The following KCNK16 variants were observed in gnomAD, a reference collection of about 807,000 sequenced individuals.
KCNK16 encodes potassium two pore domain channel subfamily K member 16.
KCNK16 carries 23 observed loss-of-function variants against 23.0 expected under a neutral mutation model. The ratio of observed to expected loss-of-function variants is 1.00; its 90% CI spans 0.72 to 1.41. KCNK16 has a LOEUF of 1.41. Among genes scored for constraint, KCNK16 ranks in the 40% most tolerant of loss-of-function variants. The pLI is 0.00. For missense variants in KCNK16, 327 were observed against 365.8 expected (o/e 0.89, Z 0.87); for synonymous variants, 145 against 153.5 (o/e 0.94, Z 0.41).
chr6:39,322,579 A>G lies in KCNK16; in HGVS notation c.-39T>C, dbSNP rs936313410. On this transcript the variant is annotated 5_prime_UTR_variant, in exon 1 of 5. Coordinates refer to ENST00000437525, the MANE Select transcript of KCNK16 (RefSeq NM_001135106.2). ...CCCTGCCAGGGCCGTGGGGCTGGCT[A>G]TGGGGGAGAGGTGGGAAACAGGTGA... 2.6e-5 allele frequency: 40 copies of G among 1,543,878 alleles called. No individual in the cohort carries two copies. In the Admixed American group the frequency reaches 6.4e-4, roughly 25 times the overall value.
intron 1 of KCNK16, among the ~76,000 whole-genome samples, chr6:39,320,063 C>T (rs1385977590): frequency 6.6e-6 from 1 of 152,160 alleles, no homozygotes; most frequent in Non-Finnish European, 1.5e-5. Flanking sequence ...ACCGAAGAGC[C>T]CCAAAGGCAG....
rs139501608 is a variant in KCNK16, at chr6:39,319,599, A to G, written c.214-466T>C. ...ACAGGGAAGCCATGGGCTGCCTGCT[A>G]TGAAGCTAATGGTGGGAAAGAGAGC... On this transcript the variant is annotated intron_variant, in intron 1 of 4. Transcript: ENST00000437525. This position sits in a 1 kb window ranked among gnomAD's most constrained non-coding sequence, Gnocchi z 4.2. 3.0e-3 allele frequency among the ~76,000 whole-genome samples: 464 copies of G among 152,294 alleles called. 6 individuals carry two copies. Among genetic ancestry groups the G allele is most frequent in the Non-Finnish European group, 5.3e-3 (359 of 68,020 alleles).
chr6:39,322,731 G>T, upstream of KCNK16: 1 of 857,176 alleles, frequency 1.2e-6, no homozygotes, highest in Non-Finnish European at 1.7e-6. Flanking sequence ...TAAGTGCTAT[G>T]CTGTGAGTGC....
chr6:39,317,924 C>T lies in KCNK16; in HGVS notation c.357G>A (p.Glu119=), dbSNP rs770493748. 19 of 1,611,334 alleles carry T rather than the reference C, an allele frequency of 1.2e-5. No individual in the cohort carries two copies. Among genetic ancestry groups the T allele is most frequent in the Non-Finnish European group, 1.5e-5 (18 of 1,178,702 alleles). Residue 119 remains glutamate, a synonymous_variant, in exon 3 of 5, where the codon GAG becomes GAA. Transcript: ENST00000437525. ...IGYGNLAPST[E]AGQVFCVFYA... ...AGAAGACACAGAAGACCTGACCTGC[C>T]TCTGTGCTGGGTGCCAGGTTCCCAT...
At position 39,319,295 on chromosome 6, in the gene KCNK16, T is replaced by C. The variant is rs760815278; in HGVS notation, c.214-162A>G. ...GGAAAAAGGAAATGAAGACTCAGAG[T>C]GGCTAAGTGACCTGTGCAAGGTGAC... On this transcript the variant is annotated intron_variant, in intron 1 of 4. Transcript: ENST00000437525. The surrounding 1 kb of genome is among the most constrained non-coding windows in gnomAD (Gnocchi z 4.2). 6.6e-6 allele frequency among the ~76,000 whole-genome samples: 1 copy of C among 152,090 alleles called. No individual in the cohort carries two copies. The highest frequency in any genetic ancestry group is 2.4e-5 in the African/African-American group (1 of 41,394).
chr6:39,316,938 C>T lies in KCNK16; in HGVS notation c.505G>A (p.Val169Ile), dbSNP rs1160483559. Residue 169 changes from valine to isoleucine, a missense_variant, in exon 4 of 5, where the codon GTC becomes ATC. By Grantham distance (29) the Val-to-Ile change is conservative. Coordinates refer to ENST00000437525, the MANE Select transcript of KCNK16 (RefSeq NM_001135106.2). ...DRPRRSQVLQ[V>I]LGLALFLTLG... is the part of the protein sequence containing the mutation. ...GTCAGGAACAGAGCCAGGCCCAGGA[C>T]TTGCAGTACCTAGGAGGGAGGGAGT... 6.2e-7 allele frequency: 1 copy of T among 1,612,758 alleles called. No individual in the cohort carries two copies. The highest frequency in any genetic ancestry group is 1.1e-5 in the South Asian group (1 of 90,954).
Position 39,316,360 on chromosome 6 carries a change from C to G in KCNK16, c.744G>C (p.Ala248=). The G allele has an allele frequency of 1.2e-6, 2 of 1,612,256 alleles. No individual in the cohort carries two copies. The highest frequency in any genetic ancestry group is 1.7e-6 in the Non-Finnish European group (2 of 1,179,472). Residue 248 remains alanine (A), a synonymous_variant, in exon 5 of 5, where the codon GCG becomes GCC. Transcript: ENST00000437525. The part of the protein sequence containing the change: ...IWILLGLAWL[A]LILPLGPLLL... ...GCAGGGGGCCCAGTGGGAGGATCAG[C>G]GCCAGCCACGCCAGGCCCAGGAGGA...
At chr6:39,320,547 G>A (rs1314341418) in intron 1 of KCNK16, among the ~76,000 whole-genome samples, 2 of 152,230 alleles carry the variant, frequency 1.3e-5, no homozygotes, top group Non-Finnish European at 2.9e-5. Context: ...CTCGCCCTGT[G>A]CGTCTGAGAG....
chr6:39,317,835 G>A lies in KCNK16; in HGVS notation c.446C>T (p.Ala149Val). The A allele has an allele frequency of 6.2e-7, 1 of 1,612,048 alleles. No individual in the cohort carries two copies. Among genetic ancestry groups the A allele is most frequent in the Non-Finnish European group, 8.5e-7 (1 of 1,179,182 alleles). The change falls in exon 3 of 5, where the codon GCC (alanine) becomes GTC (valine). Residue 149 changes from alanine to valine, a missense_variant. Physicochemically the swap from Ala to Val is moderately conservative, Grantham distance 64 (BLOSUM62 0). Transcript: ENST00000437525. Reference sequence around the variant, plus strand: ...CCATCTTTCAATGGCGGCCAGATGGGCACGCAGCCCTGTGCCCAGGTGGTT... The same window carrying A: ...CCATCTTTCAATGGCGGCCAGATGGACACGCAGCCCTGTGCCCAGGTGGTT... ...FLNHLGTGLR[A>V]HLAAIERWED...
chr6:39,317,090 G>T, intron 3 of KCNK16, 143 bp from the exon 4 acceptor site: 1 of 795,608 alleles, frequency 1.3e-6, no homozygotes, highest in Non-Finnish European at 1.9e-6. Context: ...CGAGGTGGAG[G>T]TTGTATCTAT....
At position 39,316,522 on chromosome 6, in the gene KCNK16, C is replaced by T. The variant is rs921627020; in HGVS notation, c.662-80G>A. The T allele has an allele frequency of 2.5e-5, 37 of 1,469,064 alleles. No individual in the cohort carries two copies. The Middle Eastern group carries it at 1.7e-3, about 66-fold the overall frequency. The allele number at this position is 1,469,064 out of a possible 1,614,324, so 91.0% of individuals were successfully genotyped here. A position where few individuals can be genotyped will look rare whatever the true frequency, so the allele number is the denominator to read the frequency against. ...CAGTTTCCATAGGGACCCTCACCAG[C>T]CAGGATGCTCTCTCCCTCTTCCTCA... On this transcript the variant is annotated intron_variant, in intron 4 of 4. Transcript: ENST00000437525.
intron 1 of KCNK16, 129 bp downstream of exon 1, chr6:39,322,199 G>C: frequency 1.4e-6 from 2 of 1,426,566 alleles, no homozygotes; most frequent in Non-Finnish European, 1.9e-6. Context: ...CAGGCTCTCT[G>C]TTCCCACCAC....
Position 39,322,382 on chromosome 6 carries a change from G to A in KCNK16, c.159C>T (p.Arg53=). 1 of 1,614,090 alleles carries A rather than the reference G, an allele frequency of 6.2e-7. No homozygotes were observed. The part of the protein sequence containing the change: ...SRDQFQLEKL[R]FLENYTCLDQ... ...CCAGGCAGGTGTAGTTCTCCAGGAA[G>A]CGCAGCTTCTCCAACTGAAACTGGT... The change falls in exon 1 of 5, where the codon CGC becomes CGT. Residue 53 remains arginine (R), a synonymous_variant. Coordinates refer to ENST00000437525, the MANE Select transcript of KCNK16 (RefSeq NM_001135106.2).
chr6:39,318,593 A>G (rs984651615), intron 2 of KCNK16, among the ~76,000 whole-genome samples: 1 of 152,120 alleles, frequency 6.6e-6, no homozygotes, highest in Admixed American at 6.5e-5. Context: ...CCCCGCTCCC[A>G]GTTTCTGCAC....
downstream of KCNK16, chr6:39,314,714 C>A (rs2113845701): frequency 2.2e-6 from 1 of 450,622 alleles, no homozygotes; most frequent in Non-Finnish European, 3.9e-6. Context: ...ATAGTAGAGA[C>A]CAACTTTATT....
At chr6:39,315,306 C>T (rs187032245), downstream of KCNK16, 16 of 1,557,550 alleles carry the variant, frequency 1.0e-5, no homozygotes, top group Admixed American at 1.8e-4. Context: ...AGAGGCCAGA[C>T]GTTCATGGAG....
At chr6:39,315,472 G>T, downstream of KCNK16, 1 of 1,506,438 alleles carries the variant, frequency 6.6e-7, no homozygotes, top group South Asian at 1.3e-5. Context: ...AAAGTGGGTA[G>T]GACACCCAAG....
rs545077879 is a variant in KCNK16 at position 39,316,945 on chromosome 6, T to C, written c.498A>G (p.Val166=). 38 of 1,609,216 alleles carry C rather than the reference T, an allele frequency of 2.4e-5. 1 individual carries two copies. The South Asian group carries it at 4.0e-4, about 17-fold the overall frequency. Residue 166 remains valine (V), a splice_region_variant and synonymous_variant, in exon 4 of 5, where the codon GTA becomes GTG. Transcript: ENST00000437525. ...ACAGAGCCAGGCCCAGGACTTGCAG[T>C]ACCTAGGAGGGAGGGAGTTGGCCTC... ...RWEDRPRRSQ[V]LQVLGLALFL...
chr6:39,314,611 C>T (rs1167863133), downstream of KCNK16: 8 of 430,590 alleles, frequency 1.9e-5, no homozygotes, highest in South Asian at 6.6e-5. Flanking sequence ...GCTGGGTGAC[C>T]GCAGGCGCTG....
Sources: gnomAD v4.1 joint callset for allele counts (sites outside exome capture counted in the v4.1 genomes callset) on GRCh38, gnomAD v4.1.1 for gene constraint, Gnocchi (gnomAD v3.1) non-coding constraint, MANE v1.5 for transcripts, NCBI Gene and HGNC (gene_info 2026-07-23, HGNC 2026-07-21) for gene names.